NKAIN3: variants seen among roughly 807,000 people sequenced by gnomAD.
NKAIN3 encodes the protein sodium/potassium-transporting ATPase subunit beta-1-interacting protein 3.
A neutral mutation model predicts 30.2 loss-of-function variants in NKAIN3; 25 were observed. The observed-to-expected ratio is 0.83, with a 90% CI of 0.60 to 1.16. NKAIN3 has a LOEUF of 1.16. NKAIN3 is among the 50% of genes most tolerant of loss of function. The pLI, the probability that NKAIN3 is intolerant of heterozygous loss-of-function variation, is 0.00. For synonymous variants in NKAIN3, 91 were observed against 89.6 expected (o/e 1.02, Z -0.09); for missense variants, 225 against 254.1 (o/e 0.89, Z 0.78).
At chr8:62,431,975 G>A (rs1805015072) in intron 1 of NKAIN3, among the ~76,000 whole-genome samples, 2 of 151,108 alleles carry the variant, frequency 1.3e-5, no homozygotes, top group South Asian at 4.2e-4. Context: ...AAATAAGGGA[G>A]AATCATTCTT....
At chr8:62,773,928 C>T (rs1389982013) in intron 4 of NKAIN3, among the ~76,000 whole-genome samples, 1 of 152,138 alleles carries the variant, frequency 6.6e-6, no homozygotes, top group Admixed American at 6.6e-5. Context: ...GCAATTGTTT[C>T]TTCTATTGCT....
intron 1 of NKAIN3, among the ~76,000 whole-genome samples, chr8:62,323,867 C>T (rs1298800144): frequency 1.3e-5 from 2 of 152,050 alleles, no homozygotes; most frequent in African/African-American, 4.8e-5. Flanking sequence ...AGGCTACAAA[C>T]TGAATAATTC....
At chr8:62,417,719 T>A (rs1804493837) in intron 1 of NKAIN3, among the ~76,000 whole-genome samples, 1 of 152,212 alleles carries the variant, frequency 6.6e-6, no homozygotes, top group African/African-American at 2.4e-5. Context: ...TCTTTGACGA[T>A]CAATGATGCT....
At chr8:62,339,655 A>G (rs1313374943) in intron 1 of NKAIN3, among the ~76,000 whole-genome samples, 1 of 152,096 alleles carries the variant, frequency 6.6e-6, no homozygotes, top group African/African-American at 2.4e-5. Flanking sequence ...TTTTCTTTAA[A>G]AACTTGTAGA....
intron 3 of NKAIN3, among the ~76,000 whole-genome samples, chr8:62,688,261 T>C (rs1813856540): frequency 6.6e-6 from 1 of 152,232 alleles, no homozygotes; most frequent in Non-Finnish European, 1.5e-5. Context: ...AATATTGGCC[T>C]TGGATCTAAA....
chr8:62,258,085 G>A (rs1178262263), intron 1 of NKAIN3, among the ~76,000 whole-genome samples: 2 of 151,708 alleles, frequency 1.3e-5, no homozygotes, highest in Non-Finnish European at 2.9e-5. Context: ...CTGTGTTGTA[G>A]CAATGTATGT....
chr8:62,796,383 C>CAAAAAAA (rs71255362), intron 4 of NKAIN3, among the ~76,000 whole-genome samples: 3 of 53,758 alleles, frequency 5.6e-5, no homozygotes, highest in Admixed American at 3.1e-4. Flanking sequence ...GACTCTGTCT[C>CAAAAAAA]AAAAAAAAAA....
At chr8:62,388,084 T>C (rs568961323) in intron 1 of NKAIN3, among the ~76,000 whole-genome samples, 14 of 152,334 alleles carry the variant, frequency 9.2e-5, no homozygotes, top group African/African-American at 3.1e-4. Context: ...CGTTAAATAA[T>C]TTTCCAAAAT....
chr8:62,993,988 C>A, intron 5 of NKAIN3, among the ~76,000 whole-genome samples: 1 of 151,886 alleles, frequency 6.6e-6, no homozygotes, highest in African/African-American at 2.4e-5. Flanking sequence ...ATTCCAGAGC[C>A]TTTTATAAGC....
intron 1 of NKAIN3, among the ~76,000 whole-genome samples, chr8:62,256,372 T>A (rs1000215522): frequency 6.6e-6 from 1 of 152,172 alleles, no homozygotes; most frequent in Non-Finnish European, 1.5e-5. Context: ...TGAGCTATGA[T>A]CATGCCACTG....
chr8:62,926,469 C>T (rs552164371), intron 5 of NKAIN3, among the ~76,000 whole-genome samples: 3 of 152,178 alleles, frequency 2.0e-5, no homozygotes, highest in Admixed American at 6.5e-5. Flanking sequence ...AACCTCACAA[C>T]GTCACATGTG....
chr8:62,984,504 T>A lies in NKAIN3; in HGVS notation c.*19097T>A, dbSNP rs1824162385. The A allele has an allele frequency of 6.6e-6, 1 of 152,242 alleles. No homozygotes were observed. Among genetic ancestry groups the A allele is most frequent in the Admixed American group, 6.5e-5 (1 of 15,284 alleles). 9.4% of individuals were successfully genotyped at this position (152,242 alleles called of 1,614,324 possible). ...AAAAATCTTGAATGATATTTTGTAC[T>A]GATATGAATTTCTACTGTCCCATAA... On this transcript the variant is annotated 3_prime_UTR_variant, in exon 7 of 7. Coordinates refer to ENST00000623646, the MANE Select transcript of NKAIN3 (RefSeq NM_001304533.3).
intron 1 of NKAIN3, among the ~76,000 whole-genome samples, chr8:62,398,600 G>A (rs1413734472): frequency 1.3e-5 from 2 of 152,156 alleles, no homozygotes; most frequent in Admixed American, 6.5e-5. Context: ...AAACAAACAC[G>A]TTACAAGCCT....
At chr8:62,939,021 A>G (rs1455263121) in intron 5 of NKAIN3, among the ~76,000 whole-genome samples, 1 of 152,216 alleles carries the variant, frequency 6.6e-6, no homozygotes, top group Non-Finnish European at 1.5e-5. Context: ...ATATGGATGG[A>G]AAAATCTCCA....
intron 4 of NKAIN3, among the ~76,000 whole-genome samples, chr8:62,912,453 T>C (rs1447441601): frequency 6.6e-6 from 1 of 152,232 alleles, no homozygotes; most frequent in Admixed American, 6.5e-5. Context: ...ACATTTTTAC[T>C]TTATAAACCT....
intron 3 of NKAIN3, among the ~76,000 whole-genome samples, chr8:62,684,601 A>G (rs926796378): frequency 6.6e-6 from 1 of 152,218 alleles, no homozygotes; most frequent in African/African-American, 2.4e-5. Flanking sequence ...GGTCTACCTA[A>G]CACCTCTGTT....
rs890811725 is a variant in NKAIN3, at chr8:62,595,458, G to A, written c.273+5664G>A. Among the ~76,000 whole-genome samples the A allele has an allele frequency of 5.5e-5, 8 of 145,378 alleles. No individual in the cohort carries two copies. The East Asian group carries it at 1.7e-3, about 30-fold the overall frequency. On this transcript the variant is annotated intron_variant, in intron 3 of 6. Transcript: ENST00000623646. ...GTGAAAACAGAGCTCCCATACAAAG[G>A]GAGGGGACCCAAAGGGGGTTGCCAT...
At chr8:62,901,270 C>A (rs1325911191) in intron 4 of NKAIN3, among the ~76,000 whole-genome samples, 1 of 152,116 alleles carries the variant, frequency 6.6e-6, no homozygotes, top group Non-Finnish European at 1.5e-5. Flanking sequence ...CTTGGTTACA[C>A]AATGGGCTTC....
chr8:62,888,614 A>G (rs916491510), intron 4 of NKAIN3, among the ~76,000 whole-genome samples: 3 of 152,178 alleles, frequency 2.0e-5, no homozygotes, highest in Non-Finnish European at 4.4e-5. Flanking sequence ...CAGTTTTTCT[A>G]GCTTTTATTG....
Sources: allele counts gnomAD v4.1 joint callset (sites outside exome capture counted in the v4.1 genomes callset), GRCh38; gene constraint gnomAD v4.1.1; transcripts MANE v1.5; gene names NCBI Gene and HGNC (gene_info 2026-07-23, HGNC 2026-07-21).